The following KSR1 variants were observed in gnomAD, a reference collection of about 807,000 sequenced individuals.
The protein encoded by KSR1 is kinase suppressor of ras.
KSR1 carries 35 observed loss-of-function variants against 92.9 expected under a neutral mutation model. The ratio of observed to expected loss-of-function variants is 0.38; its 90% CI spans 0.29 to 0.50. The LOEUF is 0.50. Among genes scored for constraint, KSR1 ranks in the 20% least tolerant of loss-of-function variants. The pLI is 0.94. For missense variants in KSR1, 972 were observed against 1,158.5 expected, an observed-to-expected ratio of 0.84 and a Z score of 2.34; for synonymous variants, 467 against 472.6, an observed-to-expected ratio of 0.99 and a Z score of 0.15.
At chr17:27,556,917 G>A (rs1340202658) in intron 2 of KSR1, among the ~76,000 whole-genome samples, 1 of 152,190 alleles carries the variant, frequency 6.6e-6, no homozygotes, top group East Asian at 1.9e-4. Flanking sequence ...CTGACTTAGT[G>A]CCTTAGCCCT....
At chr17:27,558,534 G>A (rs781092680) in intron 2 of KSR1, among the ~76,000 whole-genome samples, 4 of 151,972 alleles carry the variant, frequency 2.6e-5, no homozygotes, top group South Asian at 2.1e-4. Flanking sequence ...ATGAGAGCCC[G>A]TGCCCAGAAG....
chr17:27,563,186 C>G (rs892249189), intron 2 of KSR1, among the ~76,000 whole-genome samples: 1 of 152,216 alleles, frequency 6.6e-6, no homozygotes, highest in Non-Finnish European at 1.5e-5. Context: ...TGATTTCATT[C>G]TTCGTGAGCT....
chr17:27,603,370 C>T (rs1162052640), intron 11 of KSR1, among the ~76,000 whole-genome samples: 2 of 152,254 alleles, frequency 1.3e-5, no homozygotes, highest in African/African-American at 2.4e-5. Context: ...ACCTGCATGT[C>T]CTGCCACCGG....
At chr17:27,514,510 A>G (rs2069716956) in intron 1 of KSR1, among the ~76,000 whole-genome samples, 3 of 152,008 alleles carry the variant, frequency 2.0e-5, no homozygotes, top group Admixed American at 6.6e-5. Flanking sequence ...AATACAAAAA[A>G]CTAGCTGGGT....
chr17:27,562,622 T>C (rs2071879890), intron 2 of KSR1, among the ~76,000 whole-genome samples: 1 of 152,228 alleles, frequency 6.6e-6, no homozygotes, highest in East Asian at 1.9e-4. Context: ...TAGGACCACC[T>C]CAAAGGCAAG....
At chr17:27,510,673 G>A (rs765224687) in intron 1 of KSR1, among the ~76,000 whole-genome samples, 4 of 152,224 alleles carry the variant, frequency 2.6e-5, no homozygotes, top group African/African-American at 4.8e-5. Context: ...ACTGCCGTCC[G>A]TTCAGAGCAG....
At chr17:27,589,640 A>C (rs988426427) in intron 6 of KSR1, among the ~76,000 whole-genome samples, 1 of 152,210 alleles carries the variant, frequency 6.6e-6, no homozygotes, top group African/African-American at 2.4e-5. Flanking sequence ...ACGTTAAAAA[A>C]AATCTGTGTT....
chr17:27,558,703 G>T (rs1326009682), intron 2 of KSR1, among the ~76,000 whole-genome samples: 7 of 143,302 alleles, frequency 4.9e-5, no homozygotes, highest in Non-Finnish European at 9.2e-5. Context: ...TCTGTTTTTT[G>T]TTTTTTTTTT....
intron 1 of KSR1, among the ~76,000 whole-genome samples, chr17:27,511,470 C>G (rs1257572462): frequency 6.6e-6 from 1 of 152,096 alleles, no homozygotes; most frequent in African/African-American, 2.4e-5. Context: ...CATTGTTGGT[C>G]ACTTGGAATC....
chr17:27,479,685 C>T (rs1446477256), intron 1 of KSR1, among the ~76,000 whole-genome samples: 2 of 152,098 alleles, frequency 1.3e-5, no homozygotes, highest in Non-Finnish European at 2.9e-5. Context: ...GTTGCGGCCT[C>T]CAGGGAGTGG....
intron 1 of KSR1, among the ~76,000 whole-genome samples, chr17:27,501,264 C>CTTTTTTTTTTTTTTAATTTTTTTTTT (rs2069167857): frequency 1.9e-5 from 1 of 52,170 alleles, no homozygotes; most frequent in Non-Finnish European, 3.9e-5. Context: ...TTTTCTTTTT[C>CTTTTTTTTTTTTTTAATTTTTTTTTT]TTTTTTTTTT....
In KSR1 at chr17:27,597,447, T is replaced by G. The variant is rs1213086306; in HGVS notation, c.1468+11T>G. 1 of 1,592,066 alleles carries G rather than the reference T, an allele frequency of 6.3e-7. No individual in the cohort carries two copies. The highest frequency in any genetic ancestry group is 1.3e-5 in the African/African-American group (1 of 74,562). The stretch of plus-strand genomic sequence containing the variant: ...GGTTCAACTTCCCAGGTACCACATC[T>G]CCAGGCTTTTCTGGGTTCTAAGGGA... On this transcript the variant is annotated intron_variant, in intron 10 of 20. Transcript: ENST00000644974.
intron 19 of KSR1, 116 bp from the exon 20 acceptor site, chr17:27,621,077 C>T: frequency 2.5e-6 from 1 of 397,952 alleles, no homozygotes; most frequent in Admixed American, 4.4e-5. Context: ...TCTGTCATCT[C>T]CCACTTTCCC....
chr17:27,526,600 AT>A, intron 1 of KSR1: 15 of 1,581,664 alleles, frequency 9.5e-6, no homozygotes, highest in African/African-American at 1.3e-5. Context: ...TAAGATGGAC[AT>A]TTGTTGATCA....
chr17:27,582,789 G>T lies in KSR1; in HGVS notation c.664G>T (p.Ala222Ser), dbSNP rs1030882277. The T allele has an allele frequency of 3.1e-6, 5 of 1,613,572 alleles. No homozygotes were observed. The South Asian group carries it at 3.3e-5, about 11-fold the overall frequency. ...SSQLGRAGNS[A>S]QGPRSISVSA... is the part of the protein sequence containing the mutation. The stretch of plus-strand genomic sequence containing the variant: ...CCAGCTGGGCAGAGCAGGCAACAGC[G>T]CCCAGGGCCCACGCTCCATCTCCGT... The change falls in exon 4 of 21, where the codon GCC becomes TCC. Residue 222 changes from alanine to serine, a missense_variant. This residue lies in a region of KSR1 where 611 missense variants were observed against 668.0 expected (regional missense o/e 0.91). Transcript: ENST00000644974.
At position 27,577,968 on chromosome 17, in the gene KSR1, C is replaced by A. The variant is rs1454907403; in HGVS notation, c.520+329C>A. The A allele has an allele frequency of 4.6e-6, 2 of 437,456 alleles. No homozygotes were observed. The highest frequency in any genetic ancestry group is 7.2e-5 in the Admixed American group (2 of 27,904). 27.1% of individuals were successfully genotyped at this position (437,456 alleles called of 1,614,324 possible). A position where few individuals can be genotyped will look rare whatever the true frequency, so the allele number is the denominator to read the frequency against. The stretch of plus-strand genomic sequence containing the variant: ...CTCTGCCAGCTTCCCACATTCCAGC[C>A]CCCAGCCCTCTCCCCGTCTTCTCCT... On this transcript the variant is annotated intron_variant, in intron 3 of 20. Coordinates refer to ENST00000644974, the MANE Select transcript of KSR1 (RefSeq NM_001394583.1). This position sits in a 1 kb window ranked among gnomAD's most constrained non-coding sequence, Gnocchi z 4.5.
Position 27,610,200 on chromosome 17 carries a change from T to C in KSR1, c.2357+2T>C. 2 of 1,613,432 alleles carry C rather than the reference T, an allele frequency of 1.2e-6. No individual in the cohort carries two copies. The highest frequency in any genetic ancestry group is 1.7e-6 in the Non-Finnish European group (2 of 1,179,664). ...AGCTGCTGATGTCTATGCATTTGGG[T>C]GAGTAGGCCCCTGGTGCCCTGAGGC... On this transcript the variant is annotated splice_donor_variant, in intron 17 of 20. Coordinates refer to ENST00000644974, the MANE Select transcript of KSR1 (RefSeq NM_001394583.1). LOFTEE classifies it high-confidence loss of function.
At chr17:27,594,896 G>T (rs2073290127) in intron 9 of KSR1, among the ~76,000 whole-genome samples, 1 of 152,160 alleles carries the variant, frequency 6.6e-6, no homozygotes, top group African/African-American at 2.4e-5. Context: ...TGACCTGGCA[G>T]CTGTTACCCC....
intron 7 of KSR1, 81 bp downstream of exon 7, chr17:27,590,975 T>C (rs2073148440): frequency 1.6e-6 from 2 of 1,214,478 alleles, no homozygotes; most frequent in East Asian, 5.1e-5. Context: ...TGCTTGCTAT[T>C]CATAGTCCTA....
Sources: allele counts gnomAD v4.1 joint callset (sites outside exome capture counted in the v4.1 genomes callset), GRCh38; gene constraint gnomAD v4.1.1; regional missense constraint gnomAD v4.1.1; non-coding constraint Gnocchi (gnomAD v3.1); transcripts MANE v1.5; gene names NCBI Gene and HGNC (gene_info 2026-07-23, HGNC 2026-07-21).